KIRREL1: variants seen among roughly 807,000 people sequenced by gnomAD.
KIRREL1 encodes kin of IRRE-like protein 1.
KIRREL1 carries 25 observed loss-of-function variants against 83.3 expected under a neutral mutation model. That is an observed-to-expected ratio of 0.30 (90% CI 0.22 to 0.42). KIRREL1 has a LOEUF of 0.42. KIRREL1 is among the 10% of genes least tolerant of loss of function. The pLI is 1.00. For missense variants in KIRREL1, 812 were observed against 1,032.3 expected (o/e 0.79, Z 2.92); for synonymous variants, 388 against 410.4 (o/e 0.95, Z 0.66).
chr1:158,047,489 C>T (rs1005372015), intron 1 of KIRREL1, among the ~76,000 whole-genome samples: 9 of 152,182 alleles, frequency 5.9e-5, no homozygotes, highest in African/African-American at 1.7e-4. Flanking sequence ...ATAAATGAGA[C>T]TTAAAAAGGC....
intron 1 of KIRREL1, among the ~76,000 whole-genome samples, chr1:158,067,319 G>A (rs756237581): frequency 1.3e-5 from 2 of 152,138 alleles, no homozygotes; most frequent in African/African-American, 2.4e-5. Context: ...CTCCTATGCC[G>A]GATACCTCAT....
At chr1:158,075,976 C>T (rs1299194268) in intron 1 of KIRREL1, 137 bp from the exon 2 acceptor site, 1 of 746,352 alleles carries the variant, frequency 1.3e-6, no homozygotes, top group Non-Finnish European at 2.1e-6. Flanking sequence ...GGGGTTGAGG[C>T]TGAAGGGGGG....
rs146393607 is a variant in KIRREL1 at position 158,062,095 on chromosome 1, T to A, written c.53-14018T>A. ...GCCCACACCACAGACTTGCAATTGG[T>A]CACTAAAATCATGTCCCCCACCAAT... On this transcript the variant is annotated intron_variant, in intron 1 of 14. Transcript: ENST00000359209. 2.0e-5 allele frequency among the ~76,000 whole-genome samples: 3 copies of A among 152,228 alleles called. No homozygotes were observed. In the East Asian group the frequency reaches 5.8e-4, roughly 29 times the overall value.
At chr1:158,007,905 G>A (rs2101631115) in intron 1 of KIRREL1, among the ~76,000 whole-genome samples, 1 of 152,194 alleles carries the variant, frequency 6.6e-6, no homozygotes, top group South Asian at 2.1e-4. Flanking sequence ...CAGGAGTGAA[G>A]TGCGCCCTGC....
intron 1 of KIRREL1, among the ~76,000 whole-genome samples, chr1:158,014,168 T>G (rs1287172165): frequency 1.4e-5 from 2 of 141,540 alleles, no homozygotes; most frequent in Non-Finnish European, 1.5e-5. Flanking sequence ...ACGAGGAAGG[T>G]AAAGGGAAGG....
At chr1:158,031,357 GCA>G (rs1660322086) in intron 1 of KIRREL1, among the ~76,000 whole-genome samples, 1 of 151,788 alleles carries the variant, frequency 6.6e-6, no homozygotes, top group Non-Finnish European at 1.5e-5. Flanking sequence ...ACACACACAT[GCA>G]CACACACGCA....
Position 158,095,364 on chromosome 1 carries a change from A to G in KIRREL1, c.*244A>G, listed in dbSNP as rs941050446. 4.4e-6 allele frequency: 2 copies of G among 454,760 alleles called. No homozygotes were observed. Among genetic ancestry groups the G allele is most frequent in the Non-Finnish European group, 7.8e-6 (2 of 257,318 alleles). 28.2% of individuals were successfully genotyped at this position (454,760 alleles called of 1,614,324 possible). A position where few individuals can be genotyped will look rare whatever the true frequency, so the allele number is the denominator to read the frequency against. On this transcript the variant is annotated 3_prime_UTR_variant, in exon 15 of 15. Transcript: ENST00000359209. ...GGAGGATGTGTCTCTTCTGACCTGC[A>G]CTCTTGCCTGACCCTAGAATGGGGA...
chr1:158,089,456 G>T lies in KIRREL1; in HGVS notation c.1045-46G>T, dbSNP rs200789468. 3,450 of 1,611,974 alleles carry T rather than the reference G, an allele frequency of 2.1e-3. 5 individuals are homozygous for T. The highest frequency in any genetic ancestry group is 2.6e-3 in the Non-Finnish European group (3,120 of 1,179,604). ...ATGTGGGGCCCTCATGGACCTAGGG[G>T]CCCAGGCCTCCTGGCTCCCCACCCG... On this transcript the variant is annotated intron_variant, in intron 8 of 14. Transcript: ENST00000359209.
intron 1 of KIRREL1, among the ~76,000 whole-genome samples, chr1:158,045,812 C>T (rs1266858839): frequency 1.3e-5 from 2 of 152,220 alleles, no homozygotes; most frequent in Admixed American, 6.5e-5. Context: ...CCAGCATCCT[C>T]AGCCCCAATC....
chr1:158,056,784 C>A (rs1231011035), intron 1 of KIRREL1, among the ~76,000 whole-genome samples: 1 of 152,156 alleles, frequency 6.6e-6, no homozygotes, highest in African/African-American at 2.4e-5. Flanking sequence ...GCTGGCTGGG[C>A]GGGGGTGCTG....
intron 2 of KIRREL1, among the ~76,000 whole-genome samples, chr1:158,077,119 T>C (rs957237350): frequency 3.3e-5 from 5 of 152,196 alleles, no homozygotes; most frequent in African/African-American, 1.2e-4. Flanking sequence ...GAAGTAAGTA[T>C]GGGTGTGGGG....
At chr1:158,000,524 A>C (rs1475888410) in intron 1 of KIRREL1, among the ~76,000 whole-genome samples, 1 of 152,178 alleles carries the variant, frequency 6.6e-6, no homozygotes, top group Non-Finnish European at 1.5e-5. Context: ...ATACCTTCCT[A>C]CGTCTGATTG....
intron 1 of KIRREL1, among the ~76,000 whole-genome samples, chr1:158,055,691 C>T (rs1050484435): frequency 5.3e-5 from 8 of 152,202 alleles, no homozygotes; most frequent in Non-Finnish European, 1.2e-4. Context: ...GCCCTCCCTG[C>T]GTCTCCTTCC....
rs1414224764 is a variant in KIRREL1 at position 158,097,480 on chromosome 1, G to C, written c.*2360G>C. 5.1e-6 allele frequency: 1 copy of C among 196,460 alleles called. No individual in the cohort carries two copies. Among genetic ancestry groups the C allele is most frequent in the East Asian group, 1.4e-4 (1 of 6,960 alleles). 12.2% of individuals were successfully genotyped at this position (196,460 alleles called of 1,614,324 possible). On this transcript the variant is annotated 3_prime_UTR_variant, in exon 15 of 15. Transcript: ENST00000359209. ...TGGTGCAGGGAGAATTGTTGAGAAA[G>C]GAAGCCTAGTTTCCAGAAGCCTGAC...
At chr1:158,060,189 G>A (rs1377315075) in intron 1 of KIRREL1, among the ~76,000 whole-genome samples, 2 of 152,082 alleles carry the variant, frequency 1.3e-5, no homozygotes, top group Non-Finnish European at 2.9e-5. Context: ...CTCCTCCTTC[G>A]CCTTTCCCAG....
Position 158,088,112 on chromosome 1 carries a change from A to C in KIRREL1, c.874A>C (p.Lys292Gln), listed in dbSNP as rs779331536. 3 of 1,614,224 alleles carry C rather than the reference A, an allele frequency of 1.9e-6. No homozygotes were observed. Among genetic ancestry groups the C allele is most frequent in the Non-Finnish European group, 2.5e-6 (3 of 1,180,044 alleles). Residue 292 changes from lysine to glutamine, a missense_variant, in exon 7 of 15, where the codon AAA becomes CAA. Coordinates refer to ENST00000359209, the MANE Select transcript of KIRREL1 (RefSeq NM_018240.7). Reference sequence around the variant, plus strand: ...GCCTGTGTCTTGTGAGGTTCACAACAAAGTGGGAAGCACCAATGTCAGCAC... The same window carrying C: ...GCCTGTGTCTTGTGAGGTTCACAACCAAGTGGGAAGCACCAATGTCAGCAC... The part of the protein sequence containing the change: ...TEPVSCEVHN[K>Q]VGSTNVSTLV...
At chr1:158,064,944 T>C (rs1464992032) in intron 1 of KIRREL1, among the ~76,000 whole-genome samples, 1 of 151,484 alleles carries the variant, frequency 6.6e-6, no homozygotes, top group Non-Finnish European at 1.5e-5. Flanking sequence ...TTTTTTTTTT[T>C]TTTTTTTTAA....
At chr1:158,031,220 G>A (rs1438549194) in intron 1 of KIRREL1, 1 of 152,306 alleles carries the variant, frequency 6.6e-6, no homozygotes, top group Admixed American at 6.5e-5. Flanking sequence ...AGGCTGTAAT[G>A]GGAAACAAAC....
chr1:158,019,006 T>C (rs1223226367), intron 1 of KIRREL1, among the ~76,000 whole-genome samples: 3 of 152,230 alleles, frequency 2.0e-5, no homozygotes, highest in African/African-American at 7.2e-5. Context: ...TACTTCCCTA[T>C]TCCTGTTCCC....
Sources: gnomAD v4.1 joint callset for allele counts (sites outside exome capture counted in the v4.1 genomes callset) on GRCh38, gnomAD v4.1.1 for gene constraint, MANE v1.5 for transcripts, NCBI Gene and HGNC (gene_info 2026-07-23, HGNC 2026-07-21) for gene names.